Variants in PCDHGA8 observed in about 807,000 individuals in gnomAD.
PCDHGA8 encodes the protein protocadherin gamma subfamily A, 8.
In PCDHGA8, 45 loss-of-function variants were observed where a neutral mutation model predicts 59.2. The observed-to-expected ratio is 0.76, with a 90% CI of 0.60 to 0.98. The LOEUF (loss-of-function observed/expected upper bound fraction) is 0.98. Ranked by LOEUF, PCDHGA8 falls within the 50% of genes least tolerant of loss-of-function variation. The pLI is 0.00. For missense variants in PCDHGA8, 1,257 were observed against 1,196.2 expected, an observed-to-expected ratio of 1.05 and a Z score of -0.75; for synonymous variants, 531 against 519.0, an observed-to-expected ratio of 1.02 and a Z score of -0.32.
intron 1 of PCDHGA8, chr5:141,427,497 G>C (rs775492626): frequency 1.6e-5 from 9 of 568,020 alleles, no homozygotes; most frequent in African/African-American, 3.7e-5. Flanking sequence ...GCTTGTAACA[G>C]ATGGGACCCT....
chr5:141,487,361 A>C lies in PCDHGA8; in HGVS notation c.2425-7446A>C. On this transcript the variant is annotated intron_variant, in intron 1 of 3. Transcript: ENST00000398604. This position sits in a 1 kb window ranked among gnomAD's most constrained non-coding sequence, Gnocchi z 5.0. ...TGGAGTCACATGCTTTCCTGCTGGC[A>C]CCTGTGCCTGTCTCACCAGATCTCG... The C allele has an allele frequency of 1.2e-6, 2 of 1,613,834 alleles. No individual in the cohort carries two copies. Among genetic ancestry groups the C allele is most frequent in the East Asian group, 2.2e-5 (1 of 44,860 alleles).
Position 141,477,598 on chromosome 5 carries a change from C to A in PCDHGA8, c.2425-17209C>A. The A allele has an allele frequency of 6.2e-7, 1 of 1,614,180 alleles. No homozygotes were observed. The highest frequency in any genetic ancestry group is 8.5e-7 in the Non-Finnish European group (1 of 1,180,030). ...CCCCGCAGAATGCTCGGCTTTCTTT[C>A]TTTCTCTTGGAGCAAGGAGCTGAAA... On this transcript the variant is annotated intron_variant, in intron 1 of 3. Transcript: ENST00000398604. This position sits in a 1 kb window ranked among gnomAD's most constrained non-coding sequence, Gnocchi z 4.9.
intron 1 of PCDHGA8, chr5:141,418,503 T>G (rs2096264259): frequency 6.2e-7 from 1 of 1,613,828 alleles, no homozygotes. Flanking sequence ...CTGACCGCCT[T>G]AGATGGTGGG....
At chr5:141,424,078 T>C in intron 1 of PCDHGA8, 1 of 975,828 alleles carries the variant, frequency 1.0e-6, no homozygotes, top group South Asian at 4.8e-5. Context: ...GTAGTTATAT[T>C]CCACCATTAT....
At chr5:141,419,452 G>T (rs1590172506) in intron 1 of PCDHGA8, 1 of 1,612,754 alleles carries the variant, frequency 6.2e-7, no homozygotes, top group Non-Finnish European at 8.5e-7. Flanking sequence ...TCGAGCTCAC[G>T]CTGCAGGCCC....
At chr5:141,438,305 G>T (rs1287488865) in intron 1 of PCDHGA8, among the ~76,000 whole-genome samples, 2 of 151,822 alleles carry the variant, frequency 1.3e-5, no homozygotes, top group East Asian at 1.9e-4. Context: ...AAAGAAGTTG[G>T]TACCACCATA....
chr5:141,409,248 T>A (rs779725312), intron 1 of PCDHGA8: 3 of 1,614,032 alleles, frequency 1.9e-6, no homozygotes, highest in South Asian at 2.2e-5. Context: ...GAAATAATCA[T>A]CACTTCTCTC....
chr5:141,423,864 G>A (rs180692491), intron 1 of PCDHGA8: 551 of 1,284,224 alleles, frequency 4.3e-4, no homozygotes, highest in Non-Finnish European at 5.0e-4. Context: ...TTTTGTGAAA[G>A]TCATTTTTCA....
At position 141,484,779 on chromosome 5, in the gene PCDHGA8, C is replaced by G. The variant is rs186158562; in HGVS notation, c.2425-10028C>G. On this transcript the variant is annotated intron_variant, in intron 1 of 3. Transcript: ENST00000398604. ...ATATATATATATGTTGTCTGCCTCCCCACAGAGATAACAACCCGTGGAAAA... is the reference window on the plus strand; with the variant it reads ...ATATATATATATGTTGTCTGCCTCCGCACAGAGATAACAACCCGTGGAAAA... Among the ~76,000 whole-genome samples, 137 of 152,130 alleles carry G rather than the reference C, an allele frequency of 9.0e-4. 1 individual carries two copies. Among genetic ancestry groups the G allele is most frequent in the Non-Finnish European group, 1.6e-3 (110 of 67,996 alleles).
At chr5:141,423,750 T>TGGGG (rs144521096) in intron 1 of PCDHGA8, 28 of 288,222 alleles carry the variant, frequency 9.7e-5, no homozygotes, top group Non-Finnish European at 1.2e-4. Flanking sequence ...GAAAACTGTT[T>TGGGG]GGGGGGGGGG....
chr5:141,409,659 A>C, intron 1 of PCDHGA8: 1 of 1,613,574 alleles, frequency 6.2e-7, no homozygotes, highest in Non-Finnish European at 8.5e-7. Flanking sequence ...CTCAATGGCC[A>C]CATCTCCTAC....
chr5:141,440,990 C>T (rs1195325115), intron 1 of PCDHGA8: 2 of 152,172 alleles, frequency 1.3e-5, no homozygotes, highest in African/African-American at 4.8e-5. Flanking sequence ...CCAGAGTACC[C>T]ATATCTAGTT....
intron 1 of PCDHGA8, among the ~76,000 whole-genome samples, chr5:141,465,839 G>A (rs1166392052): frequency 6.6e-6 from 1 of 151,400 alleles, no homozygotes; most frequent in Non-Finnish European, 1.5e-5. Context: ...AATTTCAACT[G>A]AGGCTGGGCC....
intron 1 of PCDHGA8, chr5:141,441,809 C>A: frequency 2.7e-6 from 1 of 373,176 alleles, no homozygotes; most frequent in East Asian, 9.0e-5. Context: ...GGGTGCTGTA[C>A]CCCAGCTCTG....
rs1057108915 is a variant in PCDHGA8 at position 141,511,366 on chromosome 5, T to C, written c.*193T>C. The C allele has an allele frequency of 3.8e-6, 5 of 1,306,414 alleles. No individual in the cohort carries two copies. In the Admixed American group the frequency reaches 8.4e-5, roughly 22 times the overall value. The allele number at this position is 1,306,414 out of a possible 1,614,324, so 80.9% of individuals were successfully genotyped here. A position where few individuals can be genotyped will look rare whatever the true frequency, so the allele number is the denominator to read the frequency against. On this transcript the variant is annotated 3_prime_UTR_variant, in exon 4 of 4. Transcript: ENST00000398604. ...CCCTTCCCCCCCAGGGGGTTGAATA[T>C]GCAAAAGCAGTTCCGCTGGGAACCC...
Position 141,393,964 on chromosome 5 carries a change from G to C in PCDHGA8, c.1151G>C (p.Cys384Ser). Residue 384 changes from cysteine (C) to serine (S), a missense_variant, in exon 1 of 4, where the codon TGT (cysteine) becomes TCT (serine). Cys to Ser is a moderately radical substitution (Grantham distance 112). Transcript: ENST00000398604. ...TCTGGAAAGAATGGTCAAGTTGTCT[G>C]TTACACACGTGATAATTTACCTTTT... ...QDSGKNGQVV[C>S]YTRDNLPFKL... The C allele has an allele frequency of 6.2e-7, 1 of 1,613,870 alleles. No homozygotes were observed. The highest frequency in any genetic ancestry group is 1.6e-4 in the Middle Eastern group (1 of 6,062).
chr5:141,485,944 G>C lies in PCDHGA8; in HGVS notation c.2425-8863G>C, dbSNP rs2099621875. 1 of 1,613,998 alleles carries C rather than the reference G, an allele frequency of 6.2e-7. No homozygotes were observed. Reference sequence around the variant, plus strand: ...TTAGTGTGTTGGAGAGCGCACCAGCGGGCATGGTGCTCATCCAGCTCAATG... The same window carrying C: ...TTAGTGTGTTGGAGAGCGCACCAGCCGGCATGGTGCTCATCCAGCTCAATG... On this transcript the variant is annotated intron_variant, in intron 1 of 3. Transcript: ENST00000398604. This position sits in a 1 kb window ranked among gnomAD's most constrained non-coding sequence, Gnocchi z 5.7.
At chr5:141,443,131 A>C (rs1042010214) in intron 1 of PCDHGA8, among the ~76,000 whole-genome samples, 2 of 152,144 alleles carry the variant, frequency 1.3e-5, no homozygotes, top group African/African-American at 4.8e-5. Flanking sequence ...GATTAAGAAC[A>C]CTATCATAAG....
intron 1 of PCDHGA8, chr5:141,423,349 T>A (rs2096733716): frequency 6.2e-7 from 1 of 1,614,196 alleles, no homozygotes; most frequent in East Asian, 2.2e-5. Context: ...CTTCCTGGTC[T>A]TTGTCATCGT....
Sources: gnomAD v4.1 joint callset for allele counts (sites outside exome capture counted in the v4.1 genomes callset) on GRCh38, gnomAD v4.1.1 for gene constraint, Gnocchi (gnomAD v3.1) non-coding constraint, MANE v1.5 for transcripts, NCBI Gene and HGNC (gene_info 2026-07-23, HGNC 2026-07-21) for gene names.